The following CNTN6 variants were observed in gnomAD, a reference collection of about 807,000 sequenced individuals.
CNTN6 encodes contactin-6.
In CNTN6, 137 loss-of-function variants were observed where a neutral mutation model predicts 122.8. That is an observed-to-expected ratio of 1.12 (90% CI 0.97 to 1.29). The LOEUF (loss-of-function observed/expected upper bound fraction) is 1.29, where lower values mean the gene tolerates loss of function less well. Among genes scored for constraint, CNTN6 ranks in the 50% most tolerant of loss-of-function variants. CNTN6 has a pLI of 0.00. For missense variants in CNTN6, 1,634 were observed against 1,223.4 expected (o/e 1.34, Z -5.01); for synonymous variants, 570 against 426.0 (o/e 1.34, Z -4.16).
Position 1,327,578 on chromosome 3 carries a change from G to C in CNTN6, c.1205G>C (p.Arg402Thr). The C allele has an allele frequency of 6.2e-7, 1 of 1,609,692 alleles. No homozygotes were observed. The highest frequency in any genetic ancestry group is 8.5e-7 in the Non-Finnish European group (1 of 1,177,554). The change falls in exon 10 of 23, where the codon AGA (arginine) becomes ACA (threonine). Residue 402 changes from arginine (R) to threonine (T), a missense_variant. Physicochemically the swap from Arg to Thr is moderately conservative, Grantham distance 71 (BLOSUM62 -1). Transcript: ENST00000446702. ...ATAATTTATGCAAATGCTGAATTGA[G>C]AGTTTTAGGTAAGTCGTTTATTTAC... ...YQIIYANAEL[R>T]VLASAPDFSK...
At chr3:1,135,763 C>T (rs568543015) in intron 1 of CNTN6, among the ~76,000 whole-genome samples, 6 of 152,082 alleles carry the variant, frequency 3.9e-5, no homozygotes, top group South Asian at 2.1e-4. Flanking sequence ...AGGCCGCAGG[C>T]GAGTGGATCA....
At chr3:1,342,876 G>T (rs1429472252) in intron 11 of CNTN6, among the ~76,000 whole-genome samples, 1 of 152,100 alleles carries the variant, frequency 6.6e-6, no homozygotes, top group Non-Finnish European at 1.5e-5. Flanking sequence ...TTGGACAACG[G>T]GGATTGAACT....
intron 7 of CNTN6, among the ~76,000 whole-genome samples, chr3:1,301,024 CTTTTTTTTTTT>C (rs562912841): frequency 4.2e-4 from 39 of 93,270 alleles, no homozygotes; most frequent in African/African-American, 1.0e-3. Context: ...AGTCCCTAAA[CTTTTTTTTTTT>C]TTTTTTTTTT....
intron 7 of CNTN6, among the ~76,000 whole-genome samples, chr3:1,302,390 T>G (rs998838623): frequency 1.3e-5 from 2 of 152,184 alleles, no homozygotes; most frequent in Admixed American, 6.5e-5. Flanking sequence ...TAAAATCAAA[T>G]ATTTTTTTCT....
intron 4 of CNTN6, among the ~76,000 whole-genome samples, chr3:1,266,337 A>T (rs2094926000): frequency 6.6e-6 from 1 of 152,094 alleles, no homozygotes; most frequent in Non-Finnish European, 1.5e-5. Flanking sequence ...GGACTAAGAA[A>T]ATTCAACGGA....
intron 12 of CNTN6, among the ~76,000 whole-genome samples, chr3:1,352,903 T>C (rs1030996612): frequency 1.3e-5 from 2 of 151,718 alleles, no homozygotes; most frequent in African/African-American, 4.8e-5. Flanking sequence ...AAATGCAGGG[T>C]CACAACCTTT....
chr3:1,098,423 A>G (rs1408763387), intron 1 of CNTN6, among the ~76,000 whole-genome samples: 1 of 151,966 alleles, frequency 6.6e-6, no homozygotes, highest in African/African-American at 2.4e-5. Context: ...TTTTTATGAT[A>G]ATGCCTTAAT....
chr3:1,233,762 G>C (rs1423714873), intron 4 of CNTN6, among the ~76,000 whole-genome samples: 2 of 130,142 alleles, frequency 1.5e-5, no homozygotes, highest in Non-Finnish European at 3.2e-5. Flanking sequence ...AAAAAAAGTA[G>C]TTTGAAATAC....
chr3:1,228,299 T>C (rs2094311512), intron 4 of CNTN6, among the ~76,000 whole-genome samples: 1 of 152,220 alleles, frequency 6.6e-6, no homozygotes, highest in Non-Finnish European at 1.5e-5. Flanking sequence ...GCATTCTTTT[T>C]CTTTTTCTTT....
intron 4 of CNTN6, among the ~76,000 whole-genome samples, chr3:1,252,083 A>G (rs980689373): frequency 2.6e-5 from 4 of 152,112 alleles, no homozygotes; most frequent in African/African-American, 9.7e-5. Flanking sequence ...ATCACATACC[A>G]TTGGATTTCT....
chr3:1,102,715 G>A (rs367918270), intron 1 of CNTN6, among the ~76,000 whole-genome samples: 9 of 145,034 alleles, frequency 6.2e-5, no homozygotes, highest in South Asian at 4.5e-4. Flanking sequence ...GCGACAGGGC[G>A]AGACTCCGTC....
intron 11 of CNTN6, among the ~76,000 whole-genome samples, 182 bp downstream of exon 11, chr3:1,330,117 T>C (rs944928010): frequency 6.6e-6 from 1 of 151,904 alleles, no homozygotes; most frequent in Non-Finnish European, 1.5e-5. Flanking sequence ...TCTTATAAAA[T>C]AAAGACCTGT....
chr3:1,297,860 A>T (rs758402306), intron 6 of CNTN6, 29 bp from the exon 7 acceptor site: 2 of 1,548,272 alleles, frequency 1.3e-6, no homozygotes, highest in Non-Finnish European at 1.8e-6. Context: ...TTCTCCAGAA[A>T]TGCTGCTAGC....
At chr3:1,101,500 C>T (rs2090894842) in intron 1 of CNTN6, among the ~76,000 whole-genome samples, 1 of 152,184 alleles carries the variant, frequency 6.6e-6, no homozygotes, top group Non-Finnish European at 1.5e-5. Flanking sequence ...GGACTTGTTC[C>T]CATCCGCTTT....
chr3:1,226,976 A>G (rs1182195267), intron 3 of CNTN6, among the ~76,000 whole-genome samples: 1 of 152,138 alleles, frequency 6.6e-6, no homozygotes, highest in African/African-American at 2.4e-5. Flanking sequence ...GCTTCAAAAT[A>G]TTTGGGGATT....
At chr3:1,370,772 T>C (rs1187447684) in intron 12 of CNTN6, among the ~76,000 whole-genome samples, 1 of 152,058 alleles carries the variant, frequency 6.6e-6, no homozygotes, top group Non-Finnish European at 1.5e-5. Context: ...CTCTTGAATC[T>C]GGGAGGCGGA....
At chr3:1,380,730 G>A (rs983669328) in intron 17 of CNTN6, among the ~76,000 whole-genome samples, 1 of 152,152 alleles carries the variant, frequency 6.6e-6, no homozygotes, top group Non-Finnish European at 1.5e-5. Context: ...GTGTGGGTGT[G>A]TCTCAAAACC....
At chr3:1,340,624 A>T (rs1379424649) in intron 11 of CNTN6, among the ~76,000 whole-genome samples, 1 of 152,160 alleles carries the variant, frequency 6.6e-6, no homozygotes, top group Non-Finnish European at 1.5e-5. Context: ...AGAAAGAGTT[A>T]AAGTTAGCAG....
intron 1 of CNTN6, among the ~76,000 whole-genome samples, chr3:1,136,180 TA>T (rs1168065873): frequency 2.0e-5 from 3 of 152,092 alleles, no homozygotes; most frequent in Non-Finnish European, 4.4e-5. Context: ...TAATTGACCC[TA>T]AAAAAATTAG....
Sources: allele counts gnomAD v4.1 joint callset (sites outside exome capture counted in the v4.1 genomes callset), GRCh38; gene constraint gnomAD v4.1.1; transcripts MANE v1.5; gene names NCBI Gene and HGNC (gene_info 2026-07-23, HGNC 2026-07-21).